USP34: variants seen among roughly 807,000 people sequenced by gnomAD.
USP34 encodes ubiquitin carboxyl-terminal hydrolase 34.
A neutral mutation model predicts 460.3 loss-of-function variants in USP34; 70 were observed. The observed-to-expected ratio is 0.15, with a 90% CI of 0.13 to 0.19. The LOEUF (loss-of-function observed/expected upper bound fraction) is 0.19. Ranked by LOEUF, USP34 falls within the 10% of genes least tolerant of loss-of-function variation. The pLI is 1.00. For synonymous variants in USP34, 1,647 were observed against 1,405.3 expected, an observed-to-expected ratio of 1.17 and a Z score of -3.85; for missense variants, 3,985 against 4,236.2, an observed-to-expected ratio of 0.94 and a Z score of 1.65.
At chr2:61,355,793 C>G (rs1433421487) in intron 10 of USP34, among the ~76,000 whole-genome samples, 1 of 152,108 alleles carries the variant, frequency 6.6e-6, no homozygotes, top group Non-Finnish European at 1.5e-5. Flanking sequence ...AATGGTTTAA[C>G]TCTCCAATCA....
intron 44 of USP34, among the ~76,000 whole-genome samples, chr2:61,258,429 A>T (rs746469177): frequency 2.6e-4 from 39 of 152,232 alleles, no homozygotes; most frequent in Non-Finnish European, 5.3e-4. Flanking sequence ...GAAACAACAA[A>T]GAGGCATGGT....
chr2:61,348,237 T>C lies in USP34; in HGVS notation c.1918A>G (p.Thr640Ala), dbSNP rs769796431. 6 of 1,614,110 alleles carry C rather than the reference T, an allele frequency of 3.7e-6. No homozygotes were observed. The African/African-American group carries it at 6.7e-5, about 18-fold the overall frequency. ...TCTAACTTTCTATTCCGAAGATCTG[T>C]ACCACAACTGCTTTTGGGAGGATTA... ...GHNPPKSSCG[T>A]DLRNRKLESQ... is the part of the protein sequence containing the mutation. Residue 640 changes from threonine (T) to alanine (A), a missense_variant, in exon 15 of 80, where the codon ACA (threonine) becomes GCA (alanine). Around this residue, in one of 14 missense-constraint regions of USP34, gnomAD observed 716 missense variants for 626.2 expected, o/e 1.14. Coordinates refer to ENST00000398571, the MANE Select transcript of USP34 (RefSeq NM_014709.4).
chr2:61,229,474 AACAAAAAAAAAAAAC>A lies in USP34; in HGVS notation c.7199+59_7199+73del, dbSNP rs1687827322. The A allele has an allele frequency of 7.0e-3, 3,601 of 517,004 alleles. 53 individuals are homozygous for A. The highest frequency in any genetic ancestry group is 0.021 in the South Asian group (451 of 21,174). The allele number at this position is 517,004 out of a possible 1,614,324, so 32.0% of individuals were successfully genotyped here. Reference sequence around the variant, plus strand: ...CTATCTCTTAAAAAAAAAAAAAAAAAACAAAAAAAAAAAACAAAAACACCACACACACACAACACA... The same window carrying A: ...CTATCTCTTAAAAAAAAAAAAAAAAAAAAAACACCACACACACACAACACA... On this transcript the variant is annotated intron_variant, in intron 59 of 79. Transcript: ENST00000398571.
At chr2:61,357,365 T>C (rs890806729) in intron 10 of USP34, among the ~76,000 whole-genome samples, 2 of 151,968 alleles carry the variant, frequency 1.3e-5, no homozygotes, top group Admixed American at 1.3e-4. Context: ...CAAGGGAAAT[T>C]AGAAAATATT....
chr2:61,445,665 T>C (rs1345744934), intron 1 of USP34, among the ~76,000 whole-genome samples: 3 of 149,506 alleles, frequency 2.0e-5, no homozygotes, highest in East Asian at 4.0e-4. Context: ...AAAATAATAA[T>C]AATGTCTTAC....
At chr2:61,450,948 G>A (rs544565245) in intron 1 of USP34, among the ~76,000 whole-genome samples, 6 of 150,674 alleles carry the variant, frequency 4.0e-5, no homozygotes, top group Non-Finnish European at 8.8e-5. Context: ...GGCCAGGCAC[G>A]GTGGCTCACA....
intron 74 of USP34, 72 bp from the exon 75 acceptor site, chr2:61,203,335 T>A: frequency 7.6e-7 from 1 of 1,312,982 alleles, no homozygotes; most frequent in Non-Finnish European, 9.8e-7. Flanking sequence ...GCAAATGTAA[T>A]AAGTTTAACT....
intron 1 of USP34, among the ~76,000 whole-genome samples, chr2:61,460,070 G>C (rs1430963435): frequency 6.6e-6 from 1 of 152,042 alleles, no homozygotes; most frequent in Non-Finnish European, 1.5e-5. Flanking sequence ...TCAGAAAAAA[G>C]ATACTTGAAA....
chr2:61,230,802 G>A (rs1205525965), intron 58 of USP34, among the ~76,000 whole-genome samples: 1 of 147,228 alleles, frequency 6.8e-6, no homozygotes, highest in Non-Finnish European at 1.5e-5. Context: ...CAAGACCACG[G>A]CACTGCACTC....
At chr2:61,345,736 G>C (rs1183142726) in intron 15 of USP34, among the ~76,000 whole-genome samples, 1 of 152,102 alleles carries the variant, frequency 6.6e-6, no homozygotes, top group Admixed American at 6.5e-5. Context: ...CTGGACTCAA[G>C]CGATCCTTCC....
intron 20 of USP34, among the ~76,000 whole-genome samples, chr2:61,330,247 G>A (rs1288707180): frequency 6.6e-6 from 1 of 152,136 alleles, no homozygotes; most frequent in African/African-American, 2.4e-5. Context: ...CAAATGGGTT[G>A]TTGTATATCT....
rs1410482977 is a variant in USP34, at chr2:61,206,751, T to C, written c.9046+9A>G. 6.8e-6 allele frequency: 11 copies of C among 1,612,164 alleles called. No individual in the cohort carries two copies. Among genetic ancestry groups the C allele is most frequent in the Non-Finnish European group, 9.3e-6 (11 of 1,179,310 alleles). Reference sequence around the variant, plus strand: ...ACGAACAAAACATAAGAAGTAGGAATGAGCAAACCTTTTCTCTGAAGATAA... The same window carrying C: ...ACGAACAAAACATAAGAAGTAGGAACGAGCAAACCTTTTCTCTGAAGATAA... On this transcript the variant is annotated intron_variant, in intron 71 of 79. Transcript: ENST00000398571.
At chr2:61,399,874 C>CAAAAAA (rs529141667) in intron 3 of USP34, among the ~76,000 whole-genome samples, 8 of 70,006 alleles carry the variant, frequency 1.1e-4, no homozygotes, top group Non-Finnish European at 1.5e-4. Context: ...CACTGTCTCC[C>CAAAAAA]AAAAAAAAAA....
chr2:61,440,890 G>A (rs556203851), intron 1 of USP34, among the ~76,000 whole-genome samples: 66 of 151,946 alleles, frequency 4.3e-4, no homozygotes, highest in Middle Eastern at 3.4e-3. Context: ...CACTATGGGA[G>A]GCCGAGACGG....
In USP34 at chr2:61,348,399, T is replaced by G; in HGVS notation, c.1756A>C (p.Ser586Arg). The stretch of plus-strand genomic sequence containing the variant: ...TTAACCTCATTGCTAGATCCATCAC[T>G]ATGCCCACTACTGCTACCAGGACCA... ...SSGPGSSSGHSDGSSNEVNSS... is the reference protein window; with the variant it reads ...SSGPGSSSGHRDGSSNEVNSS... Residue 586 changes from serine (S) to arginine (R), a missense_variant, in exon 15 of 80, where the codon AGT becomes CGT. Coordinates refer to ENST00000398571, the MANE Select transcript of USP34 (RefSeq NM_014709.4). 1 of 1,613,938 alleles carries G rather than the reference T, an allele frequency of 6.2e-7. No individual in the cohort carries two copies. The highest frequency in any genetic ancestry group is 1.1e-5 in the South Asian group (1 of 91,088).
chr2:61,357,687 C>T (rs746715196), intron 10 of USP34, among the ~76,000 whole-genome samples: 1 of 151,932 alleles, frequency 6.6e-6, no homozygotes, highest in Non-Finnish European at 1.5e-5. Flanking sequence ...GACTGCTTTA[C>T]ATCAGAAGTT....
At position 61,339,434 on chromosome 2, in the gene USP34, A is replaced by C; in HGVS notation, c.2661T>G (p.Leu887=). 6.2e-7 allele frequency: 1 copy of C among 1,603,728 alleles called. No homozygotes were observed. Among genetic ancestry groups the C allele is most frequent in the Non-Finnish European group, 8.5e-7 (1 of 1,174,796 alleles). ...CTGTAAACCAACATACTAACGAACA[A>C]AGAAGTTTCTCTGCTTCATTTATTA... ...EGLINEAEKL[L]CSLVCWFTDR... The change falls in exon 18 of 80, where the codon CTT becomes CTG. Residue 887 remains leucine (L), a synonymous_variant. Transcript: ENST00000398571.
chr2:61,296,243 G>C (rs1690025442), intron 30 of USP34, among the ~76,000 whole-genome samples: 1 of 149,808 alleles, frequency 6.7e-6, no homozygotes, highest in Non-Finnish European at 1.5e-5. Flanking sequence ...CTGGGTAACA[G>C]AGTTATACCT....
intron 53 of USP34, among the ~76,000 whole-genome samples, chr2:61,240,419 C>T (rs1317193685): frequency 2.0e-5 from 3 of 152,084 alleles, no homozygotes; most frequent in Non-Finnish European, 4.4e-5. Context: ...GCTGGGACTA[C>T]AGGCGCCCGC....
Sources: allele counts gnomAD v4.1 joint callset (sites outside exome capture counted in the v4.1 genomes callset), GRCh38; gene constraint gnomAD v4.1.1; regional missense constraint gnomAD v4.1.1; transcripts MANE v1.5; gene names NCBI Gene and HGNC (gene_info 2026-07-23, HGNC 2026-07-21).